The following CNIH3 variants were observed in gnomAD, a reference collection of about 807,000 sequenced individuals.
CNIH3 encodes the protein cornichon family AMPA receptor auxiliary protein 3.
In CNIH3, 14 loss-of-function variants were observed where a neutral mutation model predicts 24.1. The ratio of observed to expected loss-of-function variants is 0.58; its 90% CI spans 0.38 to 0.91. The LOEUF (loss-of-function observed/expected upper bound fraction) is 0.91. CNIH3 is among the 40% of genes least tolerant of loss of function. The pLI is 0.00. For missense variants in CNIH3, 178 were observed against 196.8 expected, an observed-to-expected ratio of 0.90 and a Z score of 0.57; for synonymous variants, 68 against 73.8, an observed-to-expected ratio of 0.92 and a Z score of 0.40.
chr1:224,477,218 C>T (rs1035236083), intron 1 of CNIH3, among the ~76,000 whole-genome samples: 2 of 152,162 alleles, frequency 1.3e-5, no homozygotes, highest in Admixed American at 6.5e-5. Context: ...TGGATTCTTT[C>T]GGCTTTCTTG....
At chr1:224,619,521 T>C (rs938562318) in intron 1 of CNIH3, among the ~76,000 whole-genome samples, 6 of 152,180 alleles carry the variant, frequency 3.9e-5, no homozygotes, top group Admixed American at 1.3e-4. Flanking sequence ...TCTATCCCTT[T>C]CCCTCTCTCC....
intron 3 of CNIH3, among the ~76,000 whole-genome samples, chr1:224,720,711 A>G (rs956655845): frequency 6.6e-6 from 1 of 152,100 alleles, no homozygotes; most frequent in African/African-American, 2.4e-5. Flanking sequence ...TCCTGTCACC[A>G]TGCTCTTCCT....
chr1:224,647,793 T>C (rs1482043914), intron 1 of CNIH3, among the ~76,000 whole-genome samples: 1 of 151,848 alleles, frequency 6.6e-6, no homozygotes, highest in Non-Finnish European at 1.5e-5. Flanking sequence ...GGTTCCCAGA[T>C]CAGCATAAGG....
At chr1:224,638,835 T>C (rs1328462893) in intron 1 of CNIH3, among the ~76,000 whole-genome samples, 3 of 152,238 alleles carry the variant, frequency 2.0e-5, no homozygotes, top group African/African-American at 7.2e-5. Flanking sequence ...ACTTTATACT[T>C]GGTGTCACCT....
At chr1:224,694,744 T>C (rs1303663915) in intron 3 of CNIH3, among the ~76,000 whole-genome samples, 1 of 152,242 alleles carries the variant, frequency 6.6e-6, no homozygotes, top group Non-Finnish European at 1.5e-5. Flanking sequence ...GAATACTACT[T>C]AGCCATGAAA....
chr1:224,695,215 T>C lies in CNIH3; in HGVS notation c.198+10372T>C, dbSNP rs138188444. Among the ~76,000 whole-genome samples the C allele has an allele frequency of 8.7e-3, 1,332 of 152,318 alleles. 14 individuals carry two copies. Among genetic ancestry groups the C allele is most frequent in the African/African-American group, 0.03 (1,248 of 41,546 alleles). Reference sequence around the variant, plus strand: ...TGAGCTCTCCTGAGCAAGAGTGGATTTGGCCAGCAGTCGGCTTTCAGACTT... The same window carrying C: ...TGAGCTCTCCTGAGCAAGAGTGGATCTGGCCAGCAGTCGGCTTTCAGACTT... On this transcript the variant is annotated intron_variant, in intron 3 of 5. Coordinates refer to ENST00000272133, the MANE Select transcript of CNIH3 (RefSeq NM_152495.2).
At chr1:224,722,044 C>T (rs1391421740) in intron 3 of CNIH3, among the ~76,000 whole-genome samples, 2 of 152,058 alleles carry the variant, frequency 1.3e-5, no homozygotes, top group Admixed American at 1.3e-4. Flanking sequence ...GACTTGAGCC[C>T]CTGAAGCAGT....
At chr1:224,557,204 C>G (rs1351037600) in intron 3 of CNIH3, among the ~76,000 whole-genome samples, 1 of 151,968 alleles carries the variant, frequency 6.6e-6, no homozygotes, top group Middle Eastern at 3.2e-3. Context: ...CCATGCCTGG[C>G]TAATTATTTT....
chr1:224,495,341 T>C (rs1437053558), intron 1 of CNIH3, among the ~76,000 whole-genome samples: 1 of 152,210 alleles, frequency 6.6e-6, no homozygotes, highest in African/African-American at 2.4e-5. Flanking sequence ...GTCAATCCAA[T>C]ATGATTTTTT....
intron 1 of CNIH3, among the ~76,000 whole-genome samples, chr1:224,618,310 C>G (rs1326181807): frequency 1.3e-5 from 2 of 152,206 alleles, no homozygotes; most frequent in African/African-American, 4.8e-5. Context: ...CATAATTTCC[C>G]ACCTTTAACA....
At chr1:224,580,792 C>T (rs1006527599) in intron 4 of CNIH3, among the ~76,000 whole-genome samples, 4 of 145,414 alleles carry the variant, frequency 2.8e-5, no homozygotes, top group South Asian at 2.2e-4. Context: ...GATGACAGAG[C>T]GAGACTCTGT....
Position 224,617,129 on chromosome 1 carries a change from C to T in CNIH3, c.-46C>T, listed in dbSNP as rs763269867. On this transcript the variant is annotated 5_prime_UTR_variant, in exon 1 of 6. Transcript: ENST00000272133. ...CGGTCCTCTAGGGAGGCATCGGGCT[C>T]CTAGGGGCTTCTTGGCGTGTGTGGT... 5 of 1,608,338 alleles carry T rather than the reference C, an allele frequency of 3.1e-6. No homozygotes were observed. The East Asian group carries it at 8.9e-5, about 29-fold the overall frequency.
At chr1:224,603,125 C>T (rs908534829) in intron 3 of CNIH3, among the ~76,000 whole-genome samples, 4 of 151,964 alleles carry the variant, frequency 2.6e-5, no homozygotes, top group Admixed American at 2.6e-4. Flanking sequence ...CCACATGTTG[C>T]AAAAGAAAAG....
In CNIH3 at chr1:224,452,979, T is replaced by C. The variant is rs1572269316; in HGVS notation, n.203+18117T>C. 2.7e-5 allele frequency among the ~76,000 whole-genome samples: 4 copies of C among 146,640 alleles called. No homozygotes were observed. In the South Asian group the frequency reaches 8.7e-4, roughly 32 times the overall value. On this transcript the variant is annotated intron_variant and non_coding_transcript_variant, in intron 1 of 5. Transcript: ENST00000471578. ...CTACTAAAAATACAAAATTAGCCGG[T>C]TTTGGTGGCGCATGCCTGTAATCCC... is the stretch of plus-strand genomic sequence containing the variant.
At chr1:224,720,452 G>A (rs996598509) in intron 3 of CNIH3, among the ~76,000 whole-genome samples, 3 of 152,096 alleles carry the variant, frequency 2.0e-5, no homozygotes, top group African/African-American at 2.4e-5. Flanking sequence ...AGCAGGCAGT[G>A]GAAGTGGGGA....
intron 1 of CNIH3, among the ~76,000 whole-genome samples, chr1:224,470,401 C>G (rs1013088787): frequency 4.6e-5 from 7 of 151,150 alleles, no homozygotes; most frequent in African/African-American, 1.7e-4. Flanking sequence ...CTCACTGCAG[C>G]CTTCTTGGAC....
intron 2 of CNIH3, chr1:224,521,419 T>G (rs758393604): frequency 2.0e-5 from 3 of 152,148 alleles, no homozygotes; most frequent in Non-Finnish European, 2.9e-5. Flanking sequence ...AAGATTACCT[T>G]TTGTTTTCAC....
At chr1:224,680,109 A>C (rs1166363057) in intron 1 of CNIH3, among the ~76,000 whole-genome samples, 1 of 152,080 alleles carries the variant, frequency 6.6e-6, no homozygotes, top group Non-Finnish European at 1.5e-5. Flanking sequence ...GTTTATTTTC[A>C]AAAGGAGAGA....
At chr1:224,463,949 C>T (rs1382697577) in intron 1 of CNIH3, among the ~76,000 whole-genome samples, 6 of 151,434 alleles carry the variant, frequency 4.0e-5, no homozygotes, top group East Asian at 1.9e-4. Context: ...TGCCACCACA[C>T]CTGGCTAATT....
Sources: allele counts gnomAD v4.1 joint callset (sites outside exome capture counted in the v4.1 genomes callset), GRCh38; gene constraint gnomAD v4.1.1; transcripts MANE v1.5; gene names NCBI Gene and HGNC (gene_info 2026-07-23, HGNC 2026-07-21).